The following ADARB2 variants were observed in gnomAD, a reference collection of about 807,000 sequenced individuals.
The protein encoded by ADARB2 is inactive double-stranded RNA-specific editase B2.
In ADARB2, 25 loss-of-function variants were observed where a neutral mutation model predicts 62.2. The ratio of observed to expected loss-of-function variants is 0.40; its 90% CI spans 0.29 to 0.56. The LOEUF (loss-of-function observed/expected upper bound fraction) is 0.56. Among genes scored for constraint, ADARB2 ranks in the 20% least tolerant of loss-of-function variants. The pLI is 0.43. For synonymous variants in ADARB2, 572 were observed against 500.8 expected, an observed-to-expected ratio of 1.14 and a Z score of -1.90; for missense variants, 1,071 against 1,077.4, an observed-to-expected ratio of 0.99 and a Z score of 0.08.
intron 1 of ADARB2, among the ~76,000 whole-genome samples, chr10:1,554,812 G>C (rs779273234): frequency 6.6e-6 from 1 of 152,096 alleles, no homozygotes; most frequent in Non-Finnish European, 1.5e-5. Flanking sequence ...ACTGTGTGAC[G>C]CTGAGGTTTG....
At chr10:1,484,555 C>T (rs1831518671) in intron 1 of ADARB2, among the ~76,000 whole-genome samples, 1 of 152,206 alleles carries the variant, frequency 6.6e-6, no homozygotes, top group Non-Finnish European at 1.5e-5. Flanking sequence ...TAAGCCATTC[C>T]TCTTATAGAC....
intron 1 of ADARB2, among the ~76,000 whole-genome samples, chr10:1,568,491 G>A (rs1411054879): frequency 1.3e-5 from 2 of 151,808 alleles, no homozygotes; most frequent in Non-Finnish European, 2.9e-5. Flanking sequence ...TTAGTAAAAG[G>A]CTATTTGCCA....
chr10:1,327,276 C>T (rs1336665026), intron 3 of ADARB2, among the ~76,000 whole-genome samples: 2 of 93,164 alleles, frequency 2.1e-5, no homozygotes, highest in Non-Finnish European at 4.7e-5. Context: ...CACTGCACAG[C>T]GCCTCCTCAC....
intron 3 of ADARB2, among the ~76,000 whole-genome samples, chr10:1,277,914 G>C (rs945612908): frequency 1.3e-5 from 2 of 152,050 alleles, no homozygotes; most frequent in African/African-American, 4.8e-5. Context: ...CCGTGATCAA[G>C]TGGGCTTCTT....
chr10:1,259,560 A>G (rs562765865), intron 4 of ADARB2, among the ~76,000 whole-genome samples: 1 of 152,362 alleles, frequency 6.6e-6, no homozygotes, highest in Admixed American at 6.5e-5. Context: ...AGAAATGGAT[A>G]AATTCCTCGA....
At chr10:1,575,294 A>G (rs1832995553) in intron 1 of ADARB2, among the ~76,000 whole-genome samples, 1 of 152,080 alleles carries the variant, frequency 6.6e-6, no homozygotes, top group Non-Finnish European at 1.5e-5. Flanking sequence ...AGAAGCTGCT[A>G]TAAATTAAAA....
intron 7 of ADARB2, among the ~76,000 whole-genome samples, chr10:1,206,746 C>T (rs757438072): frequency 3.9e-5 from 6 of 152,194 alleles, no homozygotes; most frequent in Admixed American, 6.5e-5. Context: ...ACACTGTCTG[C>T]GTCGTTGCTG....
intron 1 of ADARB2, among the ~76,000 whole-genome samples, chr10:1,680,563 T>C (rs1588350317): frequency 6.6e-6 from 1 of 152,146 alleles, no homozygotes; most frequent in Non-Finnish European, 1.5e-5. Context: ...GAGCCTAGGG[T>C]ATTTTCCCAC....
intron 1 of ADARB2, among the ~76,000 whole-genome samples, chr10:1,548,264 T>A (rs1205950707): frequency 6.6e-6 from 1 of 152,202 alleles, no homozygotes; most frequent in Non-Finnish European, 1.5e-5. Context: ...TGGGCAAGGA[T>A]GTCTGGAGGC....
intron 1 of ADARB2, among the ~76,000 whole-genome samples, chr10:1,728,081 G>A (rs1835189731): frequency 6.6e-6 from 1 of 152,220 alleles, no homozygotes; most frequent in Admixed American, 6.5e-5. Flanking sequence ...AAGAGACTTG[G>A]AAGTTATTCT....
chr10:1,208,921 A>T (rs1243048288), intron 7 of ADARB2, among the ~76,000 whole-genome samples: 1 of 152,162 alleles, frequency 6.6e-6, no homozygotes, highest in Non-Finnish European at 1.5e-5. Flanking sequence ...CCGGAGCCTG[A>T]TGAGTGGTCG....
At chr10:1,267,992 G>A (rs181738664) in intron 4 of ADARB2, among the ~76,000 whole-genome samples, 43 of 152,358 alleles carry the variant, frequency 2.8e-4, no homozygotes, top group African/African-American at 9.4e-4. Context: ...ATTGAGAGAG[G>A]CTGGCTAGTG....
chr10:1,432,884 C>T (rs776113936), intron 1 of ADARB2, among the ~76,000 whole-genome samples: 1 of 152,086 alleles, frequency 6.6e-6, no homozygotes, highest in African/African-American at 2.4e-5. Context: ...AGCTGGAAGC[C>T]AGAATCTCGC....
intron 1 of ADARB2, among the ~76,000 whole-genome samples, chr10:1,588,847 C>G (rs750840323): frequency 9.9e-5 from 15 of 152,170 alleles, no homozygotes; most frequent in Non-Finnish European, 1.8e-4. Context: ...CAGATCAAGA[C>G]AGAGCTCCTG....
chr10:1,574,779 G>A (rs1206866885), intron 1 of ADARB2, among the ~76,000 whole-genome samples: 1 of 152,172 alleles, frequency 6.6e-6, no homozygotes, highest in Non-Finnish European at 1.5e-5. Flanking sequence ...CTGAGGTCCT[G>A]GGGGTCAGAC....
At chr10:1,326,139 C>T (rs949101377) in intron 3 of ADARB2, among the ~76,000 whole-genome samples, 2 of 152,190 alleles carry the variant, frequency 1.3e-5, no homozygotes, top group African/African-American at 2.4e-5. Flanking sequence ...GTAAAACTTA[C>T]CCATTTTGGT....
At chr10:1,346,866 T>A (rs1832085705) in intron 3 of ADARB2, among the ~76,000 whole-genome samples, 1 of 152,228 alleles carries the variant, frequency 6.6e-6, no homozygotes, top group Non-Finnish European at 1.5e-5. Context: ...TGAGAAAATA[T>A]AAGCTCCAGT....
chr10:1,661,089 A>C (rs1259788395), intron 1 of ADARB2, among the ~76,000 whole-genome samples: 1 of 152,070 alleles, frequency 6.6e-6, no homozygotes, highest in African/African-American at 2.4e-5. Context: ...TCCCCTCCCT[A>C]AACCCTTAAA....
chr10:1,495,414 T>A (rs781085272), intron 1 of ADARB2, among the ~76,000 whole-genome samples: 3 of 152,208 alleles, frequency 2.0e-5, no homozygotes, highest in Non-Finnish European at 2.9e-5. Context: ...GTTCTGAATT[T>A]AATAAAAAAT....
Sources: allele counts gnomAD v4.1 joint callset (sites outside exome capture counted in the v4.1 genomes callset), GRCh38; gene constraint gnomAD v4.1.1; transcripts MANE v1.5; gene names NCBI Gene and HGNC (gene_info 2026-07-23, HGNC 2026-07-21).